Variants in PTPN2 observed in about 807,000 individuals in gnomAD.
PTPN2 encodes protein tyrosine phosphatase non-receptor type 2.
Under a neutral mutation model 57.3 loss-of-function variants are expected in PTPN2, and 19 were observed. That is an observed-to-expected ratio of 0.33 (90% CI 0.23 to 0.49). PTPN2 has a LOEUF of 0.49. PTPN2 is among the 20% of genes least tolerant of loss of function. The probability of loss-of-function intolerance (pLI) is 0.99; values close to 1 mark genes in which losing one functional copy is unlikely to be tolerated. For synonymous variants in PTPN2, 153 were observed against 164.9 expected, an observed-to-expected ratio of 0.93 and a Z score of 0.55; for missense variants, 358 against 501.1, an observed-to-expected ratio of 0.71 and a Z score of 2.73.
chr18:12,823,573 G>A (rs2145342838), intron 5 of PTPN2, among the ~76,000 whole-genome samples: 1 of 152,228 alleles, frequency 6.6e-6, no homozygotes, highest in East Asian at 1.9e-4. Context: ...TACTCGGGAG[G>A]CTAGGACAGG....
At chr18:12,802,709 A>G (rs545037497) in intron 7 of PTPN2, among the ~76,000 whole-genome samples, 7 of 152,210 alleles carry the variant, frequency 4.6e-5, no homozygotes, top group Non-Finnish European at 8.8e-5. Context: ...AACAGACTGT[A>G]GAGAATGGGA....
intron 2 of PTPN2, among the ~76,000 whole-genome samples, chr18:12,858,432 A>T (rs1363698225): frequency 2.0e-5 from 3 of 152,268 alleles, no homozygotes; most frequent in African/African-American, 7.2e-5. Flanking sequence ...CTCTAGTATT[A>T]TAATTGTTCA....
intron 4 of PTPN2, 124 bp downstream of exon 4, chr18:12,830,819 G>T: frequency 1.6e-6 from 1 of 624,068 alleles, no homozygotes; most frequent in Non-Finnish European, 2.8e-6. Context: ...GAAACACTTT[G>T]ACCGCTAGCC....
rs1473366566 is a variant in PTPN2 at position 12,801,902 on chromosome 18, G to T, written c.1040+68C>A. The T allele has an allele frequency of 2.2e-6, 3 of 1,362,256 alleles. No individual in the cohort carries two copies. The South Asian group carries it at 4.2e-5, about 19-fold the overall frequency. The allele number at this position is 1,362,256 out of a possible 1,614,324, so 84.4% of individuals were successfully genotyped here. ...ACATACCTGAAATCCTATGGCACCT[G>T]GTCCCATAAAATTTATTTTTAAAAT... is the stretch of plus-strand genomic sequence containing the variant. On this transcript the variant is annotated intron_variant, in intron 8 of 8. Coordinates refer to ENST00000309660, the MANE Select transcript of PTPN2 (RefSeq NM_002828.4).
At chr18:12,815,510 TAC>T (rs2042046096) in intron 6 of PTPN2, among the ~76,000 whole-genome samples, 1 of 152,242 alleles carries the variant, frequency 6.6e-6, no homozygotes, top group Non-Finnish European at 1.5e-5. Flanking sequence ...ACTGCTGAGC[TAC>T]AGCACTGCTC....
intron 4 of PTPN2, 55 bp from the exon 5 acceptor site, chr18:12,825,999 C>A: frequency 7.1e-7 from 1 of 1,415,070 alleles, no homozygotes; most frequent in Non-Finnish European, 9.6e-7. Context: ...ATCATGAAAC[C>A]ATAAAGTTAA....
chr18:12,817,155 C>T lies in PTPN2; in HGVS notation c.705+1G>A, dbSNP rs2145316754. On this transcript the variant is annotated splice_donor_variant, in intron 6 of 8. Coordinates refer to ENST00000309660, the MANE Select transcript of PTPN2 (RefSeq NM_002828.4). LOFTEE classifies it high-confidence loss of function. ...AAAATGAGATCGTAAGAAGCACTTA[C>T]CAAAACAAGACAAGTGTCTACCAGA... The T allele has an allele frequency of 6.2e-7, 1 of 1,609,980 alleles. No homozygotes were observed. The highest frequency in any genetic ancestry group is 8.5e-7 in the Non-Finnish European group (1 of 1,178,720).
In PTPN2 at chr18:12,794,503, C is replaced by G. The variant is rs1568075383; in HGVS notation, c.1041-18G>C. The G allele has an allele frequency of 6.2e-7, 1 of 1,609,648 alleles. No homozygotes were observed. Among genetic ancestry groups the G allele is most frequent in the Admixed American group, 1.7e-5 (1 of 59,892 alleles). On this transcript the variant is annotated intron_variant, in intron 8 of 8. Transcript: ENST00000309660. ...GTAGAGCACTATGAGGAAATAAAAA[C>G]AAGTGAAAGGAAGTGCACACAGAGC...
Position 12,834,936 on chromosome 18 carries a change from C to G in PTPN2, c.261+1855G>C, listed in dbSNP as rs191125751. ...TGGCTCCAGGACCCAACCTGCCCCC[C>G]ACCCACTGCAGTATACCAAAATCCA... On this transcript the variant is annotated intron_variant, in intron 3 of 8. Transcript: ENST00000309660. Among the ~76,000 whole-genome samples, 14 of 152,186 alleles carry G rather than the reference C, an allele frequency of 9.2e-5. No homozygotes were observed. In the East Asian group the frequency reaches 2.3e-3, roughly 25 times the overall value.
chr18:12,815,912 G>C (rs945087366), intron 6 of PTPN2, among the ~76,000 whole-genome samples: 3 of 152,164 alleles, frequency 2.0e-5, no homozygotes, highest in Admixed American at 6.5e-5. Flanking sequence ...AGTCATGGTG[G>C]AAAGCATAAG....
intron 7 of PTPN2, among the ~76,000 whole-genome samples, chr18:12,802,620 A>G (rs1391050266): frequency 6.6e-6 from 1 of 152,238 alleles, no homozygotes; most frequent in Admixed American, 6.5e-5. Flanking sequence ...AGCAAGAGAA[A>G]AGGATCAAGT....
intron 1 of PTPN2, among the ~76,000 whole-genome samples, chr18:12,860,374 G>C (rs1358900513): frequency 6.6e-6 from 1 of 151,814 alleles, no homozygotes; most frequent in Admixed American, 6.6e-5. Flanking sequence ...CGAGGTGGGT[G>C]GATCACGAGG....
In PTPN2 at chr18:12,793,453, T is replaced by G. The variant is rs1364093871; in HGVS notation, c.*825A>C. 1 of 977,424 alleles carries G rather than the reference T, an allele frequency of 1.0e-6. No individual in the cohort carries two copies. Among genetic ancestry groups the G allele is most frequent in the Non-Finnish European group, 1.2e-6 (1 of 822,228 alleles). The allele number at this position is 977,424 out of a possible 1,614,324, so 60.5% of individuals were successfully genotyped here. On this transcript the variant is annotated 3_prime_UTR_variant, in exon 9 of 9. Transcript: ENST00000309660. ...ATAATGGGATTTACAGAAACCAATTTCTTTACAAAGTCTTGACCAACTGTT... is the reference window on the plus strand; with the variant it reads ...ATAATGGGATTTACAGAAACCAATTGCTTTACAAAGTCTTGACCAACTGTT...
intron 4 of PTPN2, among the ~76,000 whole-genome samples, chr18:12,830,539 G>A (rs12971201): frequency 0.32 from 48,025 of 152,032 alleles, 8,914 homozygotes; most frequent in Admixed American, 0.41. Context: ...CTAATTAGAA[G>A]TGGATTAGGA....
chr18:12,865,661 G>T (rs1157106642), intron 1 of PTPN2, among the ~76,000 whole-genome samples: 1 of 151,696 alleles, frequency 6.6e-6, no homozygotes, highest in Admixed American at 6.6e-5. Context: ...TAAAAAGAGT[G>T]AGCTGGGCAA....
At chr18:12,843,841 T>A (rs975846691) in intron 2 of PTPN2, 1 of 152,390 alleles carries the variant, frequency 6.6e-6, no homozygotes, top group Non-Finnish European at 1.5e-5. Context: ...GGCACTCATT[T>A]GTGTGTGCTC....
intron 6 of PTPN2, among the ~76,000 whole-genome samples, 189 bp from the exon 7 acceptor site, chr18:12,814,544 CA>C (rs1213329816): frequency 2.0e-5 from 3 of 152,210 alleles, no homozygotes; most frequent in African/African-American, 7.2e-5. Context: ...CCCCACATCT[CA>C]ACCCCTCAAG....
intron 1 of PTPN2, among the ~76,000 whole-genome samples, chr18:12,860,075 G>A (rs2145477829): frequency 6.6e-6 from 1 of 151,944 alleles, no homozygotes; most frequent in South Asian, 2.1e-4. Flanking sequence ...ATCACCTGAG[G>A]TCAGGAGTTT....
At chr18:12,855,015 A>G (rs1320200871) in intron 2 of PTPN2, among the ~76,000 whole-genome samples, 2 of 152,126 alleles carry the variant, frequency 1.3e-5, no homozygotes, top group African/African-American at 2.4e-5. Flanking sequence ...GCCAGGCGTC[A>G]TGGCTCGTGC....
Sources: allele counts gnomAD v4.1 joint callset (sites outside exome capture counted in the v4.1 genomes callset), GRCh38; gene constraint gnomAD v4.1.1; transcripts MANE v1.5; gene names NCBI Gene and HGNC (gene_info 2026-07-23, HGNC 2026-07-21).